The following CEP128 variants were observed in gnomAD, a reference collection of about 807,000 sequenced individuals.
CEP128 encodes centrosomal protein 128kDa.
CEP128 carries 132 observed loss-of-function variants against 156.7 expected under a neutral mutation model. The observed-to-expected ratio is 0.84, with a 90% CI of 0.73 to 0.97. The LOEUF (loss-of-function observed/expected upper bound fraction) is 0.97, where lower values mean the gene tolerates loss of function less well. Among genes scored for constraint, CEP128 ranks in the 50% least tolerant of loss-of-function variants. The pLI is 0.00. For missense variants in CEP128, 1,252 were observed against 1,281.9 expected (o/e 0.98, Z 0.36); for synonymous variants, 469 against 448.9 (o/e 1.04, Z -0.57).
intron 2 of CEP128, among the ~76,000 whole-genome samples, chr14:80,919,879 G>C (rs1884761381): frequency 6.6e-6 from 1 of 152,116 alleles, no homozygotes; most frequent in African/African-American, 2.4e-5. Flanking sequence ...AAGTTACTGT[G>C]AGCAATAAAA....
chr14:80,924,868 C>G (rs1885063401), intron 2 of CEP128, among the ~76,000 whole-genome samples: 1 of 151,918 alleles, frequency 6.6e-6, no homozygotes, highest in African/African-American at 2.4e-5. Context: ...AGTAGAACAG[C>G]TGGGAGGCTG....
intron 11 of CEP128, 134 bp from the exon 12 acceptor site, chr14:80,836,471 T>C (rs972582778): frequency 2.4e-6 from 2 of 842,344 alleles, no homozygotes; most frequent in African/African-American, 3.4e-5. Flanking sequence ...CCTGCTCCAT[T>C]TCCTCATTCC....
intron 19 of CEP128, among the ~76,000 whole-genome samples, chr14:80,700,674 C>T (rs1897045734): frequency 6.6e-6 from 1 of 152,086 alleles, no homozygotes; most frequent in Non-Finnish European, 1.5e-5. Context: ...TGATTAGTAA[C>T]TAAGAGTTTT....
rs755273652 is a variant in CEP128, at chr14:80,800,679, GA to G, written c.1210-7570del. Among the ~76,000 whole-genome samples the G allele has an allele frequency of 3.3e-5, 5 of 151,270 alleles. No individual in the cohort carries two copies. In the East Asian group the frequency reaches 7.7e-4, roughly 23 times the overall value. On this transcript the variant is annotated intron_variant, in intron 13 of 24. Transcript: ENST00000555265. ...TGTTTCCTAAATGTTTGTGAACTGA[GA>G]AAAAAAAATCACAGGATAAGGTTGA...
At chr14:80,938,245 A>ATTTTTTTT (rs35236692) in intron 2 of CEP128, among the ~76,000 whole-genome samples, 6 of 117,014 alleles carry the variant, frequency 5.1e-5, no homozygotes, top group Non-Finnish European at 6.8e-5. Context: ...CAGTGTTAGT[A>ATTTTTTTT]TTTTTTTTTT....
At chr14:80,505,159 G>C (rs1369546417) in intron 23 of CEP128, 139 bp from the exon 24 acceptor site, 1 of 352,316 alleles carries the variant, frequency 2.8e-6, no homozygotes, top group Non-Finnish European at 5.2e-6. Context: ...TATAATCACT[G>C]TAAAAATAAA....
At chr14:80,712,450 C>T (rs1461463080) in intron 19 of CEP128, among the ~76,000 whole-genome samples, 2 of 152,174 alleles carry the variant, frequency 1.3e-5, no homozygotes, top group African/African-American at 4.8e-5. Flanking sequence ...AACTACACTT[C>T]AGCTACCACT....
intron 19 of CEP128, 72 bp from the exon 20 acceptor site, chr14:80,580,495 T>C: frequency 2.3e-6 from 2 of 854,428 alleles, no homozygotes; most frequent in South Asian, 1.5e-5. Flanking sequence ...TCAAATGCAA[T>C]TCAGCCAGTA....
chr14:80,726,067 C>T (rs1425463142), intron 19 of CEP128, among the ~76,000 whole-genome samples: 1 of 148,724 alleles, frequency 6.7e-6, no homozygotes, highest in African/African-American at 2.6e-5. Flanking sequence ...CTTCCCAATA[C>T]CCAAATCCCC....
intron 23 of CEP128, among the ~76,000 whole-genome samples, chr14:80,522,657 G>A (rs1213886297): frequency 6.6e-6 from 1 of 152,168 alleles, no homozygotes; most frequent in Non-Finnish European, 1.5e-5. Flanking sequence ...AAATGGGGAT[G>A]TCTTGGACAA....
intron 13 of CEP128, among the ~76,000 whole-genome samples, chr14:80,804,040 CTAGAA>C (rs1275323323): frequency 2.0e-5 from 3 of 151,736 alleles, no homozygotes; most frequent in Non-Finnish European, 4.4e-5. Context: ...TTTTAGTATA[CTAGAA>C]TAAACATGTG....
At chr14:80,853,138 T>G (rs943206246) in intron 9 of CEP128, among the ~76,000 whole-genome samples, 1 of 151,912 alleles carries the variant, frequency 6.6e-6, no homozygotes, top group South Asian at 2.1e-4. Context: ...AACCTAGGAA[T>G]AGAAGGCAAT....
chr14:80,825,800 T>C (rs1264522086), intron 13 of CEP128, among the ~76,000 whole-genome samples: 1 of 152,086 alleles, frequency 6.6e-6, no homozygotes, highest in African/African-American at 2.4e-5. Context: ...TATTTAGTTA[T>C]AGGGATTTTA....
intron 8 of CEP128, among the ~76,000 whole-genome samples, chr14:80,884,968 T>C (rs1192821724): frequency 1.3e-5 from 2 of 152,190 alleles, no homozygotes; most frequent in African/African-American, 4.8e-5. Context: ...GGGAGGGGCA[T>C]CGCCATTACT....
chr14:80,652,561 G>T (rs112811884), intron 19 of CEP128, among the ~76,000 whole-genome samples: 1 of 151,934 alleles, frequency 6.6e-6, no homozygotes, highest in Non-Finnish European at 1.5e-5. Context: ...AAAAGAAGAC[G>T]TTTATGCAGC....
At chr14:80,736,714 C>T (rs989383028) in intron 19 of CEP128, among the ~76,000 whole-genome samples, 1 of 152,116 alleles carries the variant, frequency 6.6e-6, no homozygotes, top group Non-Finnish European at 1.5e-5. Flanking sequence ...GCCCGTTACA[C>T]AGAGGTGAAA....
intron 23 of CEP128, among the ~76,000 whole-genome samples, chr14:80,513,291 A>C (rs1888342210): frequency 6.6e-6 from 1 of 152,168 alleles, no homozygotes; most frequent in African/African-American, 2.4e-5. Flanking sequence ...TAAATATGTC[A>C]TGCCTGCCTC....
intron 19 of CEP128, among the ~76,000 whole-genome samples, chr14:80,706,439 ATGTGTG>A (rs755837048): frequency 2.0e-5 from 3 of 150,526 alleles, no homozygotes; most frequent in Non-Finnish European, 3.0e-5. Flanking sequence ...GTGTGTGTGT[ATGTGTG>A]TGTGTGTGTA....
chr14:80,803,878 C>T (rs1185197682), intron 13 of CEP128, among the ~76,000 whole-genome samples: 1 of 151,988 alleles, frequency 6.6e-6, no homozygotes, highest in Admixed American at 6.6e-5. Flanking sequence ...TCTGAGAAAA[C>T]CTCTTCTAAA....
Sources: gnomAD v4.1 joint callset for allele counts (sites outside exome capture counted in the v4.1 genomes callset) on GRCh38, gnomAD v4.1.1 for gene constraint, MANE v1.5 for transcripts, NCBI Gene and HGNC (gene_info 2026-07-23, HGNC 2026-07-21) for gene names.